Variants in SORCS3 observed in about 807,000 individuals in gnomAD.
SORCS3 encodes sortilin related VPS10 domain containing receptor 3.
SORCS3 carries 57 observed loss-of-function variants against 146.3 expected under a neutral mutation model. The ratio of observed to expected loss-of-function variants is 0.39; its 90% CI spans 0.31 to 0.49. The LOEUF (loss-of-function observed/expected upper bound fraction) is 0.49, where lower values mean the gene tolerates loss of function less well. Among genes scored for constraint, SORCS3 ranks in the 20% least tolerant of loss-of-function variants. SORCS3 has a pLI of 0.92. For missense variants in SORCS3, 1,341 were observed against 1,575.5 expected, an observed-to-expected ratio of 0.85 and a Z score of 2.52; for synonymous variants, 653 against 618.5, an observed-to-expected ratio of 1.06 and a Z score of -0.83.
chr10:105,158,924 C>G lies in SORCS3; in HGVS notation c.1662C>G (p.Leu554=). ...GTTCCTTACATCTGCACCTGCAACT[C>G]TCTGAAAATCCATATTCCTCAGGAA... ...PFCSLHLHLQ[L]SENPYSSGRI... Residue 554 remains leucine (L), a synonymous_variant, in exon 11 of 27, where the codon CTC becomes CTG. Transcript: ENST00000369701. The G allele has an allele frequency of 6.2e-7, 1 of 1,613,158 alleles. No individual in the cohort carries two copies. The highest frequency in any genetic ancestry group is 8.5e-7 in the Non-Finnish European group (1 of 1,179,290).
intron 1 of SORCS3, among the ~76,000 whole-genome samples, chr10:104,715,649 T>A (rs1348505631): frequency 6.6e-6 from 1 of 152,234 alleles, no homozygotes; most frequent in Non-Finnish European, 1.5e-5. Context: ...GTTTTTGTTT[T>A]TGAATCTCAT....
intron 2 of SORCS3, among the ~76,000 whole-genome samples, chr10:104,898,268 T>C (rs1409883510): frequency 6.6e-6 from 1 of 152,238 alleles, no homozygotes; most frequent in East Asian, 1.9e-4. Flanking sequence ...CCTAACACAA[T>C]AGTTTGTTTG....
At chr10:105,011,786 C>T (rs2055137589) in intron 4 of SORCS3, among the ~76,000 whole-genome samples, 2 of 152,160 alleles carry the variant, frequency 1.3e-5, no homozygotes, top group Admixed American at 1.3e-4. Flanking sequence ...TTATTGAACA[C>T]TGACTATGTC....
At chr10:105,078,443 C>T (rs1302908332) in intron 5 of SORCS3, among the ~76,000 whole-genome samples, 2 of 151,924 alleles carry the variant, frequency 1.3e-5, no homozygotes, top group Middle Eastern at 3.2e-3. Context: ...TGAATCCAGG[C>T]TCCATCTCTC....
intron 1 of SORCS3, among the ~76,000 whole-genome samples, chr10:104,763,305 A>C (rs182937393): frequency 1.3e-5 from 2 of 152,342 alleles, no homozygotes; most frequent in African/African-American, 2.4e-5. Flanking sequence ...AGCTGTGCCC[A>C]ATCAACACTT....
In SORCS3 at chr10:105,090,265, A is replaced by G. The variant is rs982527512; in HGVS notation, c.1093+426A>G. ...TATTTGCAAAACTGTTTATTCATCCATTCGAGATATTTAGGGATGGCCTGC... is the reference window on the plus strand; with the variant it reads ...TATTTGCAAAACTGTTTATTCATCCGTTCGAGATATTTAGGGATGGCCTGC... On this transcript the variant is annotated intron_variant, in intron 6 of 26. Coordinates refer to ENST00000369701, the MANE Select transcript of SORCS3 (RefSeq NM_014978.3). 3.9e-5 allele frequency among the ~76,000 whole-genome samples: 6 copies of G among 152,296 alleles called. No homozygotes were observed. The South Asian group carries it at 1.2e-3, about 32-fold the overall frequency.
chr10:105,175,803 A>T (rs1243312132), intron 13 of SORCS3, among the ~76,000 whole-genome samples: 2 of 152,214 alleles, frequency 1.3e-5, no homozygotes, highest in African/African-American at 4.8e-5. Flanking sequence ...ACTCATGAAG[A>T]TGTTTATGGC....
chr10:104,676,852 A>C (rs1426771481), intron 1 of SORCS3, among the ~76,000 whole-genome samples: 3 of 151,536 alleles, frequency 2.0e-5, no homozygotes, highest in Non-Finnish European at 4.4e-5. Flanking sequence ...ACTTGATTTC[A>C]TTCTGTCTCC....
chr10:104,863,475 A>G (rs1161697950), intron 2 of SORCS3, among the ~76,000 whole-genome samples: 4 of 151,938 alleles, frequency 2.6e-5, no homozygotes. Context: ...TCACTTCTTC[A>G]TTTTGAGTCC....
chr10:105,040,628 T>A (rs1008230828), intron 4 of SORCS3, among the ~76,000 whole-genome samples: 2 of 152,206 alleles, frequency 1.3e-5, no homozygotes, highest in Non-Finnish European at 2.9e-5. Context: ...GAAGCTACTC[T>A]GTTTGCTTCC....
intron 1 of SORCS3, among the ~76,000 whole-genome samples, chr10:104,657,388 A>G (rs889508234): frequency 6.6e-6 from 1 of 152,236 alleles, no homozygotes. Context: ...GGTAAAATCA[A>G]TAGAACTTGA....
At chr10:105,193,721 A>C (rs569246670) in intron 14 of SORCS3, among the ~76,000 whole-genome samples, 1 of 152,312 alleles carries the variant, frequency 6.6e-6, no homozygotes, top group African/African-American at 2.4e-5. Flanking sequence ...TCACCTACTT[A>C]ATTTTATGGC....
chr10:104,897,449 C>G (rs534091891), intron 2 of SORCS3, among the ~76,000 whole-genome samples: 65 of 152,272 alleles, frequency 4.3e-4, no homozygotes, highest in African/African-American at 1.5e-3. Flanking sequence ...GTATATACAG[C>G]CTCTAAGAGC....
chr10:104,756,920 C>T (rs2017059597), intron 1 of SORCS3, among the ~76,000 whole-genome samples: 1 of 152,152 alleles, frequency 6.6e-6, no homozygotes, highest in Admixed American at 6.5e-5. Flanking sequence ...CTGTCCGTTC[C>T]ACCTGCTTTC....
At chr10:105,130,099 A>G (rs1475314980) in intron 7 of SORCS3, among the ~76,000 whole-genome samples, 1 of 152,184 alleles carries the variant, frequency 6.6e-6, no homozygotes, top group African/African-American at 2.4e-5. Flanking sequence ...GCAAGGCTAA[A>G]GCTCTTTCTA....
At chr10:104,736,488 A>G (rs2016774215) in intron 1 of SORCS3, among the ~76,000 whole-genome samples, 1 of 152,192 alleles carries the variant, frequency 6.6e-6, no homozygotes, top group Non-Finnish European at 1.5e-5. Context: ...TGTAAGTGAC[A>G]CTTCATTCTG....
At chr10:104,822,163 TGACAGTCAGGTCTCA>T in intron 1 of SORCS3, 1 of 506,866 alleles carries the variant, frequency 2.0e-6, no homozygotes, top group South Asian at 1.5e-5. Context: ...TATCTGTATC[TGACAGTCAGGTCTCA>T]GAACTGAGGC....
intron 19 of SORCS3, among the ~76,000 whole-genome samples, chr10:105,218,625 A>G (rs1454014768): frequency 6.6e-6 from 1 of 152,248 alleles, no homozygotes; most frequent in African/African-American, 2.4e-5. Flanking sequence ...CCCAGGCTTC[A>G]GAACAAGGGA....
intron 20 of SORCS3, among the ~76,000 whole-genome samples, chr10:105,237,878 G>A (rs1457961317): frequency 6.6e-6 from 1 of 152,162 alleles, no homozygotes; most frequent in Non-Finnish European, 1.5e-5. Context: ...TTTTATGGCT[G>A]TTTTATGTGT....
Sources: allele counts gnomAD v4.1 joint callset (sites outside exome capture counted in the v4.1 genomes callset), GRCh38; gene constraint gnomAD v4.1.1; transcripts MANE v1.5; gene names NCBI Gene and HGNC (gene_info 2026-07-23, HGNC 2026-07-21).